The following GRID2 variants were observed in gnomAD, a reference collection of about 807,000 sequenced individuals.
GRID2 encodes glutamate ionotropic receptor delta type subunit 2, also known as glutamate receptor ionotropic, delta-2.
GRID2 carries 33 observed loss-of-function variants against 114.8 expected under a neutral mutation model. The ratio of observed to expected loss-of-function variants is 0.29; its 90% CI spans 0.22 to 0.38. GRID2 has a LOEUF of 0.38. Ranked by LOEUF, GRID2 falls within the 10% of genes least tolerant of loss-of-function variation. The probability of loss-of-function intolerance (pLI) is 1.00; values close to 1 mark genes in which losing one functional copy is unlikely to be tolerated. For synonymous variants in GRID2, 505 were observed against 449.9 expected (o/e 1.12, Z -1.55); for missense variants, 1,184 against 1,257.7 (o/e 0.94, Z 0.89).
At chr4:93,239,838 T>TA (rs1371669734) in intron 8 of GRID2, among the ~76,000 whole-genome samples, 1 of 151,670 alleles carries the variant, frequency 6.6e-6, no homozygotes, top group African/African-American at 2.4e-5. Context: ...AATATGTTTT[T>TA]ATCACCTGTG....
chr4:93,577,785 C>T (rs987641818), intron 13 of GRID2, among the ~76,000 whole-genome samples: 1 of 152,142 alleles, frequency 6.6e-6, no homozygotes, highest in East Asian at 1.9e-4. Flanking sequence ...ATAAAGCGTG[C>T]AAGTAGTTTT....
At chr4:93,277,497 T>C (rs567304219) in intron 8 of GRID2, among the ~76,000 whole-genome samples, 1 of 152,058 alleles carries the variant, frequency 6.6e-6, no homozygotes, top group South Asian at 2.1e-4. Context: ...ATCTCTGTGG[T>C]CAGTTAATAT....
chr4:92,816,462 G>C (rs1444162974), intron 2 of GRID2, among the ~76,000 whole-genome samples: 1 of 150,722 alleles, frequency 6.6e-6, no homozygotes, highest in Non-Finnish European at 1.5e-5. Flanking sequence ...ATGTTTCCTT[G>C]TTTTCAGGTT....
intron 14 of GRID2, among the ~76,000 whole-genome samples, chr4:93,678,445 C>T (rs545397275): frequency 1.8e-4 from 27 of 151,324 alleles, no homozygotes; most frequent in African/African-American, 6.6e-4. Flanking sequence ...AGCTACTCCT[C>T]GAGAAGAGCA....
intron 2 of GRID2, among the ~76,000 whole-genome samples, chr4:92,900,727 C>T (rs1013139307): frequency 1.3e-5 from 2 of 149,870 alleles, no homozygotes; most frequent in Non-Finnish European, 3.0e-5. Flanking sequence ...CCAGCTACGC[C>T]GGAGGCTGAG....
chr4:93,164,880 C>G, intron 4 of GRID2: 1 of 265,424 alleles, frequency 3.8e-6, no homozygotes, highest in South Asian at 3.5e-5. Context: ...CTGATATTGA[C>G]GTGTTAAGGA....
chr4:93,705,873 G>T (rs182190647), intron 14 of GRID2, among the ~76,000 whole-genome samples: 1 of 152,090 alleles, frequency 6.6e-6, no homozygotes, highest in East Asian at 1.9e-4. Flanking sequence ...CAGAGATAGG[G>T]GTCTAGTTTC....
rs1411457683 is a variant in GRID2 at position 92,987,389 on chromosome 4, T to G, written c.245-97606T>G. On this transcript the variant is annotated intron_variant, in intron 2 of 15. Transcript: ENST00000282020. ...CCTAAATGGTGTACACTCAGTGAAA[T>G]TGCCAGAACAGTGAGGTTCCTTTGT... Among the ~76,000 whole-genome samples the G allele has an allele frequency of 2.0e-5, 3 of 152,120 alleles. No individual in the cohort carries two copies. The South Asian group carries it at 6.2e-4, about 32-fold the overall frequency.
Position 92,311,594 on chromosome 4 carries a change from A to C in GRID2, c.88+6850A>C, listed in dbSNP as rs138176940. ...TTTTCTTTAAACTAAAATAATTAAA[A>C]GTACTATTTTAAAAAATAATCTCAT... On this transcript the variant is annotated intron_variant, in intron 1 of 15. Transcript: ENST00000282020. 1.9e-4 allele frequency among the ~76,000 whole-genome samples: 29 copies of C among 152,262 alleles called. No homozygotes were observed. In the East Asian group the frequency reaches 5.6e-3, roughly 29 times the overall value.
intron 1 of GRID2, among the ~76,000 whole-genome samples, chr4:93,797,787 G>C (rs1397921189): frequency 6.8e-6 from 1 of 146,604 alleles, no homozygotes; most frequent in Non-Finnish European, 1.5e-5. Flanking sequence ...AGACATACCA[G>C]AGACTTATTC....
At chr4:93,775,117 A>C (rs1734339492), downstream of GRID2, among the ~76,000 whole-genome samples, 1 of 148,472 alleles carries the variant, frequency 6.7e-6, no homozygotes, top group Non-Finnish European at 1.5e-5. Context: ...TATATATCTG[A>C]AAATGTATTT....
intron 14 of GRID2, among the ~76,000 whole-genome samples, chr4:93,712,890 A>G (rs17021047): frequency 0.042 from 6,407 of 152,154 alleles, 218 homozygotes; most frequent in African/African-American, 0.084. Context: ...GGCTTCTTCC[A>G]TCCAATTTGT....
intron 9 of GRID2, among the ~76,000 whole-genome samples, chr4:93,403,558 G>A (rs995383796): frequency 6.6e-6 from 1 of 151,594 alleles, no homozygotes; most frequent in African/African-American, 2.4e-5. Context: ...AATTAAAATG[G>A]GCAAAGATCT....
At chr4:93,171,645 G>T (rs879431051) in intron 4 of GRID2, among the ~76,000 whole-genome samples, 1 of 152,090 alleles carries the variant, frequency 6.6e-6, no homozygotes, top group East Asian at 1.9e-4. Context: ...AACCATTCCT[G>T]TTCAGTGGAG....
intron 1 of GRID2, among the ~76,000 whole-genome samples, chr4:93,795,854 G>A (rs1734785628): frequency 1.3e-5 from 2 of 152,210 alleles, no homozygotes; most frequent in South Asian, 2.1e-4. Context: ...GGCAGTAAAT[G>A]TACTGCAGCT....
At chr4:92,900,413 T>C (rs982175802) in intron 2 of GRID2, among the ~76,000 whole-genome samples, 2 of 152,202 alleles carry the variant, frequency 1.3e-5, no homozygotes, top group Non-Finnish European at 2.9e-5. Flanking sequence ...TACCCTCCTC[T>C]CACCTTCCCA....
chr4:92,965,695 T>A (rs1753113465), intron 2 of GRID2, among the ~76,000 whole-genome samples: 1 of 151,748 alleles, frequency 6.6e-6, no homozygotes, highest in Non-Finnish European at 1.5e-5. Context: ...GTTCTTACAT[T>A]TGGGGCAGGA....
intron 4 of GRID2, among the ~76,000 whole-genome samples, chr4:93,149,464 T>A (rs1736546938): frequency 6.6e-6 from 1 of 151,742 alleles, no homozygotes; most frequent in Admixed American, 6.6e-5. Flanking sequence ...TAGTCTCAGC[T>A]ACTTGGGAGG....
intron 2 of GRID2, chr4:92,838,650 A>G (rs1034416462): frequency 6.6e-5 from 10 of 152,146 alleles, no homozygotes; most frequent in Non-Finnish European, 1.2e-4. Flanking sequence ...TGAAAAAATA[A>G]CTTTAATATT....
Sources: gnomAD v4.1 joint callset for allele counts (sites outside exome capture counted in the v4.1 genomes callset) on GRCh38, gnomAD v4.1.1 for gene constraint, MANE v1.5 for transcripts, NCBI Gene and HGNC (gene_info 2026-07-23, HGNC 2026-07-21) for gene names.